The following TMEM131L variants were observed in gnomAD, a reference collection of about 807,000 sequenced individuals.
The protein encoded by TMEM131L is transmembrane protein 131-like.
A neutral mutation model predicts 192.2 loss-of-function variants in TMEM131L; 54 were observed. The ratio of observed to expected loss-of-function variants is 0.28; its 90% CI spans 0.23 to 0.35. The LOEUF (loss-of-function observed/expected upper bound fraction) is 0.35. Ranked by LOEUF, TMEM131L falls within the 10% of genes least tolerant of loss-of-function variation. The pLI is 1.00. For missense variants in TMEM131L, 1,888 were observed against 1,972.9 expected (o/e 0.96, Z 0.82); for synonymous variants, 701 against 704.9 (o/e 0.99, Z 0.09).
At chr4:153,568,769 G>C (rs2150585615) in intron 7 of TMEM131L, among the ~76,000 whole-genome samples, 1 of 152,290 alleles carries the variant, frequency 6.6e-6, no homozygotes, top group East Asian at 1.9e-4. Flanking sequence ...AGAAGACTTA[G>C]AGATACCTAA....
chr4:153,496,204 A>T (rs1733158805), intron 3 of TMEM131L, among the ~76,000 whole-genome samples: 1 of 152,258 alleles, frequency 6.6e-6, no homozygotes, highest in African/African-American at 2.4e-5. Context: ...TCCTTGCCTA[A>T]GCATTACTTC....
At position 153,576,675 on chromosome 4, in the gene TMEM131L, T is replaced by TA. The variant is rs11313932; in HGVS notation, c.661-4135dup. On this transcript the variant is annotated intron_variant, in intron 7 of 34. Coordinates refer to ENST00000409959, the MANE Select transcript of TMEM131L (RefSeq NM_001131007.2). Reference sequence around the variant, plus strand: ...CATAGTTAAATTGTTGTAGATTTCTTAAAAAAAAAAAAAAAACTTATAAAT... The same window carrying TA: ...CATAGTTAAATTGTTGTAGATTTCTTAAAAAAAAAAAAAAAAACTTATAAAT... 8.2e-3 allele frequency among the ~76,000 whole-genome samples: 1,152 copies of TA among 141,096 alleles called. 4 individuals are homozygous for TA. The highest frequency in any genetic ancestry group is 0.023 in the East Asian group (111 of 4,866). The allele number at this position is 141,096 out of a possible 152,430, so 92.6% of individuals were successfully genotyped here. A position where few individuals can be genotyped will look rare whatever the true frequency, so the allele number is the denominator to read the frequency against.
At chr4:153,612,714 A>G (rs1205787977) in intron 26 of TMEM131L, among the ~76,000 whole-genome samples, 3 of 152,132 alleles carry the variant, frequency 2.0e-5, no homozygotes, top group African/African-American at 4.8e-5. Flanking sequence ...CTGAACATCT[A>G]TATTTTAGGG....
At chr4:153,550,199 A>AT (rs926288732) in intron 4 of TMEM131L, 58 bp downstream of exon 4, 30 of 722,440 alleles carry the variant, frequency 4.2e-5, no homozygotes, top group Admixed American at 7.1e-5. Flanking sequence ...TATTTTCAGA[A>AT]TTTTTTTTAC....
chr4:153,471,220 T>C (rs1358333867), intron 2 of TMEM131L, among the ~76,000 whole-genome samples: 2 of 152,166 alleles, frequency 1.3e-5, no homozygotes, highest in African/African-American at 4.8e-5. Context: ...ACTCCTGACC[T>C]TGTGATCTGC....
chr4:153,602,141 G>A lies in TMEM131L; in HGVS notation c.2267-11G>A. On this transcript the variant is annotated splice_polypyrimidine_tract_variant and intron_variant, in intron 21 of 34. Transcript: ENST00000409959. ...CACATATACTAAATATCTTTTTTTG[G>A]TTCCCATTAGAACTGAAAGACAGTA... The A allele has an allele frequency of 6.8e-7, 1 of 1,463,112 alleles. No individual in the cohort carries two copies. The highest frequency in any genetic ancestry group is 1.4e-5 in the African/African-American group (1 of 69,698). The allele number at this position is 1,463,112 out of a possible 1,614,324, so 90.6% of individuals were successfully genotyped here. A position where few individuals can be genotyped will look rare whatever the true frequency, so the allele number is the denominator to read the frequency against.
intron 13 of TMEM131L, 35 bp downstream of exon 13, chr4:153,585,646 A>T: frequency 1.3e-6 from 2 of 1,524,118 alleles, no homozygotes. Context: ...GTTTTAGCTT[A>T]TTTTAAGCTT....
rs1731225734 is a variant in TMEM131L at position 153,593,670 on chromosome 4, A to G, written c.1923-129A>G. Reference sequence around the variant, plus strand: ...AATGTCGGGTGGACAGGATGGGATGAATTTTGTGTGTATGTGTGTGCAAAT... The same window carrying G: ...AATGTCGGGTGGACAGGATGGGATGGATTTTGTGTGTATGTGTGTGCAAAT... On this transcript the variant is annotated intron_variant, in intron 18 of 34. Transcript: ENST00000409959. The G allele has an allele frequency of 1.1e-5, 7 of 641,112 alleles. No individual in the cohort carries two copies. In the South Asian group the frequency reaches 1.1e-4, roughly 10 times the overall value. The allele number at this position is 641,112 out of a possible 1,614,324, so 39.7% of individuals were successfully genotyped here.
chr4:153,567,887 T>C (rs1303626242), intron 7 of TMEM131L, among the ~76,000 whole-genome samples: 1 of 152,176 alleles, frequency 6.6e-6, no homozygotes, highest in East Asian at 1.9e-4. Flanking sequence ...CACCAAACTT[T>C]GAACTGGGGG....
At position 153,596,300 on chromosome 4, in the gene TMEM131L, C is replaced by G. The variant is rs758373376; in HGVS notation, c.2038C>G (p.His680Asp). 1.2e-6 allele frequency: 2 copies of G among 1,614,006 alleles called. No individual in the cohort carries two copies. The highest frequency in any genetic ancestry group is 1.7e-6 in the Non-Finnish European group (2 of 1,179,874). ...ATCCAGGTTTGGCATCCTCCACTTA[C>G]ATCTGCAGCCTTTGGAAATGAAAAG... ...EESRFGILHL[H>D]LQPLEMKRVG... is the part of the protein sequence containing the mutation. The change falls in exon 20 of 35, where the codon CAT (histidine) becomes GAT (aspartate). Residue 680 changes from histidine (H) to aspartate (D), a missense_variant. His to Asp is a moderately conservative substitution (Grantham distance 81). Transcript: ENST00000409959.
At chr4:153,513,421 A>C (rs183006910) in intron 3 of TMEM131L, among the ~76,000 whole-genome samples, 125 of 152,298 alleles carry the variant, frequency 8.2e-4, no homozygotes, top group African/African-American at 2.8e-3. Flanking sequence ...CTGAAGACTG[A>C]ACTGGGGCAG....
intron 3 of TMEM131L, among the ~76,000 whole-genome samples, chr4:153,536,166 C>G (rs952358679): frequency 6.6e-6 from 1 of 152,052 alleles, no homozygotes; most frequent in Non-Finnish European, 1.5e-5. Context: ...AATCCAGGAG[C>G]AAGACTGGGG....
chr4:153,525,409 G>T (rs569281790), intron 3 of TMEM131L, among the ~76,000 whole-genome samples: 19 of 151,898 alleles, frequency 1.3e-4, no homozygotes, highest in Non-Finnish European at 2.2e-4. Flanking sequence ...GCGCTATCTC[G>T]GCTCACTGCA....
chr4:153,581,787 AT>A (rs33922047), intron 9 of TMEM131L, among the ~76,000 whole-genome samples: 19,720 of 152,158 alleles, frequency 0.13, 3,587 homozygotes, highest in African/African-American at 0.41. Flanking sequence ...CTTAGGAATA[AT>A]TTTTCTTCAT....
intron 29 of TMEM131L, among the ~76,000 whole-genome samples, chr4:153,625,227 G>A (rs1344670197): frequency 4.6e-5 from 7 of 151,868 alleles, no homozygotes; most frequent in East Asian, 1.9e-4. Context: ...GCTGGCCAAC[G>A]TAGCAAAACC....
In TMEM131L at chr4:153,587,727, T is replaced by C; in HGVS notation, c.1483-15T>C. On this transcript the variant is annotated splice_polypyrimidine_tract_variant and intron_variant, in intron 14 of 34. Coordinates refer to ENST00000409959, the MANE Select transcript of TMEM131L (RefSeq NM_001131007.2). ...GCTGTGTTTTAAGTTATTCATATAT[T>C]ACTTTTCAATCTAGGAAGGGAGTCT... is the stretch of plus-strand genomic sequence containing the variant. 1 of 1,572,578 alleles carries C rather than the reference T, an allele frequency of 6.4e-7. No individual in the cohort carries two copies. Among genetic ancestry groups the C allele is most frequent in the Non-Finnish European group, 8.8e-7 (1 of 1,142,090 alleles).
rs1326699223 is a variant in TMEM131L at position 153,626,184 on chromosome 4, T to C, written c.4083T>C (p.Ala1361=). 6.2e-7 allele frequency: 1 copy of C among 1,612,414 alleles called. No homozygotes were observed. The highest frequency in any genetic ancestry group is 1.7e-5 in the Admixed American group (1 of 59,992). ...SVSQNDFPSE[A]PISLNLSHNI... ...CACAAAATGATTTTCCTTCTGAAGC[T>C]CCCATCTCCTTGAATCTTTCTCATA... The change falls in exon 30 of 35, where the codon GCT becomes GCC. Residue 1361 remains alanine (A), a synonymous_variant. Coordinates refer to ENST00000409959, the MANE Select transcript of TMEM131L (RefSeq NM_001131007.2).
At chr4:153,628,553 C>G (rs1734003009) in intron 31 of TMEM131L, among the ~76,000 whole-genome samples, 1 of 152,168 alleles carries the variant, frequency 6.6e-6, no homozygotes, top group Non-Finnish European at 1.5e-5. Flanking sequence ...AGGTGAAATA[C>G]TTTATGTCGT....
intron 3 of TMEM131L, among the ~76,000 whole-genome samples, chr4:153,476,104 G>A (rs1369181514): frequency 2.6e-5 from 4 of 152,082 alleles, no homozygotes; most frequent in Non-Finnish European, 5.9e-5. Context: ...GATGGCAGGT[G>A]CACACAATCA....
Sources: allele counts gnomAD v4.1 joint callset (sites outside exome capture counted in the v4.1 genomes callset), GRCh38; gene constraint gnomAD v4.1.1; transcripts MANE v1.5; gene names NCBI Gene and HGNC (gene_info 2026-07-23, HGNC 2026-07-21).